Variants in ADCK1 observed in about 807,000 individuals in gnomAD.
ADCK1 encodes the protein aarF domain-containing protein kinase 1.
In ADCK1, 41 loss-of-function variants were observed where a neutral mutation model predicts 52.3. The ratio of observed to expected loss-of-function variants is 0.78; its 90% CI spans 0.61 to 1.02. The LOEUF is 1.02. Among genes scored for constraint, ADCK1 ranks in the 50% least tolerant of loss-of-function variants. ADCK1 has a pLI of 0.00. For synonymous variants in ADCK1, 250 were observed against 274.6 expected, an observed-to-expected ratio of 0.91 and a Z score of 0.89; for missense variants, 658 against 679.5, an observed-to-expected ratio of 0.97 and a Z score of 0.35.
intron 4 of ADCK1, among the ~76,000 whole-genome samples, chr14:77,884,494 T>C (rs2083104286): frequency 6.6e-6 from 1 of 152,198 alleles, no homozygotes; most frequent in African/African-American, 2.4e-5. Flanking sequence ...CTGTGTTTTT[T>C]TCACTTATCC....
intron 7 of ADCK1, among the ~76,000 whole-genome samples, chr14:77,918,739 C>T (rs1204373363): frequency 6.6e-6 from 1 of 152,184 alleles, no homozygotes; most frequent in Non-Finnish European, 1.5e-5. Flanking sequence ...CATTGTTCAA[C>T]CAGCTCCCTA....
intron 4 of ADCK1, among the ~76,000 whole-genome samples, chr14:77,862,465 A>G (rs942200934): frequency 6.6e-6 from 1 of 152,168 alleles, no homozygotes; most frequent in African/African-American, 2.4e-5. Flanking sequence ...GACCAGGTGG[A>G]TGAGACTGGG....
At chr14:77,897,678 T>C (rs1357735289) in intron 5 of ADCK1, among the ~76,000 whole-genome samples, 1 of 152,198 alleles carries the variant, frequency 6.6e-6, no homozygotes, top group Non-Finnish European at 1.5e-5. Context: ...TGTTTTCTTA[T>C]TCCAATTTAG....
intron 7 of ADCK1, chr14:77,914,539 A>G (rs555686936): frequency 1.0e-6 from 1 of 985,238 alleles, no homozygotes; most frequent in South Asian, 4.7e-5. Flanking sequence ...GTGTGAGCAG[A>G]GTGTGGGAGA....
chr14:77,868,297 C>T (rs182385507), intron 4 of ADCK1, among the ~76,000 whole-genome samples: 1 of 152,282 alleles, frequency 6.6e-6, no homozygotes, highest in East Asian at 1.9e-4. Flanking sequence ...TCTCCTGATT[C>T]CTGATCCAGT....
chr14:77,901,098 G>T (rs2140242939), intron 6 of ADCK1, among the ~76,000 whole-genome samples: 1 of 149,702 alleles, frequency 6.7e-6, no homozygotes, highest in Non-Finnish European at 1.5e-5. Flanking sequence ...AGACTGGAGT[G>T]CAGTGGCGCG....
At chr14:77,900,471 C>T (rs1253661243) in intron 6 of ADCK1, 3 of 388,480 alleles carry the variant, frequency 7.7e-6, no homozygotes, top group Admixed American at 3.2e-5. Context: ...CCTGTAATCT[C>T]AGCTACTCGG....
intron 8 of ADCK1, among the ~76,000 whole-genome samples, 161 bp from the exon 9 acceptor site, chr14:77,925,603 A>T (rs2084170997): frequency 1.3e-5 from 2 of 152,188 alleles, no homozygotes; most frequent in South Asian, 4.1e-4. Context: ...GTCGCTTTGA[A>T]CTTGAAGCTT....
chr14:77,868,385 G>A (rs1408406471), intron 4 of ADCK1, among the ~76,000 whole-genome samples: 1 of 152,184 alleles, frequency 6.6e-6, no homozygotes, highest in Non-Finnish European at 1.5e-5. Flanking sequence ...TCGAGCAATC[G>A]GGCTGGGCTT....
At chr14:77,886,907 A>AACAC (rs59174310) in intron 4 of ADCK1, among the ~76,000 whole-genome samples, 184 bp from the exon 5 acceptor site, 3 of 123,882 alleles carry the variant, frequency 2.4e-5, no homozygotes. Context: ...ACTCTGTCTC[A>AACAC]ACACACACAC....
intron 5 of ADCK1, among the ~76,000 whole-genome samples, chr14:77,894,944 G>T (rs995152782): frequency 4.0e-5 from 6 of 151,758 alleles, no homozygotes; most frequent in African/African-American, 1.4e-4. Flanking sequence ...GTAGAGATGG[G>T]GTTTCCCCAT....
intron 1 of ADCK1, among the ~76,000 whole-genome samples, chr14:77,813,306 T>G (rs1304037104): frequency 6.6e-6 from 1 of 151,594 alleles, no homozygotes; most frequent in Non-Finnish European, 1.5e-5. Context: ...TGGCCTTTTA[T>G]TTTATTATTA....
At chr14:77,812,208 C>T (rs1009463754) in intron 1 of ADCK1, among the ~76,000 whole-genome samples, 2 of 152,130 alleles carry the variant, frequency 1.3e-5, no homozygotes, top group African/African-American at 4.8e-5. Flanking sequence ...CTAGAGTTTC[C>T]ATGTTGTACA....
At chr14:77,886,994 G>A (rs2083169168) in intron 4 of ADCK1, 97 bp from the exon 5 acceptor site, 2 of 1,329,712 alleles carry the variant, frequency 1.5e-6, no homozygotes, top group African/African-American at 1.5e-5. Flanking sequence ...TCTGTCCTGG[G>A]GGCACTAGGC....
At chr14:77,931,388 A>G (rs2084329066) in intron 9 of ADCK1, 130 bp from the exon 10 acceptor site, 1 of 893,236 alleles carries the variant, frequency 1.1e-6, no homozygotes, top group East Asian at 2.7e-5. Context: ...CAGTGCCAAG[A>G]CAGCGGTGCC....
intron 3 of ADCK1, among the ~76,000 whole-genome samples, chr14:77,853,538 A>G (rs982203950): frequency 2.0e-5 from 3 of 152,048 alleles, no homozygotes; most frequent in South Asian, 2.1e-4. Flanking sequence ...TGCTTTTAAT[A>G]TTTGTTAGAT....
intron 3 of ADCK1, among the ~76,000 whole-genome samples, chr14:77,848,718 A>G (rs2082221397): frequency 6.6e-6 from 1 of 152,070 alleles, no homozygotes; most frequent in Non-Finnish European, 1.5e-5. Flanking sequence ...CTCTCACCTC[A>G]GCCTCCAAAA....
chr14:77,927,212 G>A (rs1464961289), intron 9 of ADCK1, among the ~76,000 whole-genome samples: 3 of 152,168 alleles, frequency 2.0e-5, no homozygotes, highest in African/African-American at 7.2e-5. Context: ...GAGACCATCC[G>A]TCCCCATCTC....
chr14:77,900,335 G>T (rs534988434), intron 6 of ADCK1, among the ~76,000 whole-genome samples: 15 of 151,832 alleles, frequency 9.9e-5, no homozygotes, highest in African/African-American at 3.6e-4. Flanking sequence ...GGCAGTAATC[G>T]CAGTTCTTTG....
Sources: allele counts gnomAD v4.1 joint callset (sites outside exome capture counted in the v4.1 genomes callset), GRCh38; gene constraint gnomAD v4.1.1; transcripts MANE v1.5; gene names NCBI Gene and HGNC (gene_info 2026-07-23, HGNC 2026-07-21).